Variants in CLNK observed in about 807,000 individuals in gnomAD.
CLNK encodes cytokine-dependent hematopoietic cell linker.
A neutral mutation model predicts 68.6 loss-of-function variants in CLNK; 74 were observed. That is an observed-to-expected ratio of 1.08 (90% CI 0.89 to 1.31). The LOEUF is 1.31. CLNK is among the 50% of genes most tolerant of loss of function. The pLI is 0.00. For missense variants in CLNK, 553 were observed against 515.3 expected (o/e 1.07, Z -0.71); for synonymous variants, 198 against 172.2 (o/e 1.15, Z -1.17).
At chr4:10,629,731 G>A (rs1209872406) in intron 2 of CLNK, among the ~76,000 whole-genome samples, 1 of 151,932 alleles carries the variant, frequency 6.6e-6, no homozygotes, top group East Asian at 1.9e-4. Context: ...TATAGAGTTT[G>A]GGGGGAAGGC....
the CLNK span, among the ~76,000 whole-genome samples, chr4:10,711,037 C>T: frequency 6.6e-6 from 1 of 152,210 alleles, no homozygotes; most frequent in African/African-American, 2.4e-5. Context: ...TCTGTCTTGA[C>T]TTCAGATTGG....
the CLNK span, among the ~76,000 whole-genome samples, chr4:10,699,512 A>ATATATATATTTTTTTT: frequency 5.8e-4 from 19 of 32,702 alleles, no homozygotes; most frequent in Non-Finnish European, 9.6e-4. Context: ...ATATATATAT[A>ATATATATATTTTTTTT]TTTTTTTTTT....
intron 4 of CLNK, among the ~76,000 whole-genome samples, chr4:10,583,924 G>T (rs944170979): frequency 1.3e-5 from 2 of 152,166 alleles, no homozygotes; most frequent in South Asian, 4.1e-4. Flanking sequence ...TCATTCCCAG[G>T]TACCACCCCC....
chr4:10,602,124 G>A (rs541707175), intron 2 of CLNK, among the ~76,000 whole-genome samples: 11 of 152,162 alleles, frequency 7.2e-5, no homozygotes, highest in South Asian at 6.2e-4. Context: ...TTCACTTTCC[G>A]CATCTCCCTC....
intron 3 of CLNK, among the ~76,000 whole-genome samples, chr4:10,596,298 T>TAC (rs1721383651): frequency 6.6e-6 from 1 of 152,328 alleles, no homozygotes; most frequent in African/African-American, 2.4e-5. Flanking sequence ...GTGCTGGGAT[T>TAC]ACAGGCATAA....
At chr4:10,540,750 A>T in intron 10 of CLNK, 146 bp from the exon 11 acceptor site, 1 of 622,442 alleles carries the variant, frequency 1.6e-6, no homozygotes, top group Non-Finnish European at 2.9e-6. Flanking sequence ...GAGCAGACCG[A>T]TCTGGTCTGG....
chr4:10,699,494 C>CTATATATATATATATA, the CLNK span, among the ~76,000 whole-genome samples: 23 of 56,988 alleles, frequency 4.0e-4, no homozygotes, highest in African/African-American at 1.5e-3. Flanking sequence ...CTCTCTCTCT[C>CTATATATATATATATA]TATATATATA....
At chr4:10,548,725 C>T (rs1045974057) in intron 8 of CLNK, among the ~76,000 whole-genome samples, 14 of 152,194 alleles carry the variant, frequency 9.2e-5, no homozygotes, top group Admixed American at 3.3e-4. Flanking sequence ...AGGAACAGGT[C>T]CTGCCCTGTT....
chr4:10,589,037 G>A (rs1294266091), intron 3 of CLNK, among the ~76,000 whole-genome samples: 1 of 152,092 alleles, frequency 6.6e-6, no homozygotes, highest in Non-Finnish European at 1.5e-5. Context: ...ACACCTAACG[G>A]TACTATATCA....
chr4:10,672,999 A>G (rs61796846), intron 1 of CLNK, among the ~76,000 whole-genome samples: 6,195 of 152,266 alleles, frequency 0.041, 188 homozygotes, highest in Middle Eastern at 0.1. Context: ...TTCTGAGTCA[A>G]TTTTTAGCGG....
At chr4:10,687,931 C>T (rs1336922629), upstream of CLNK, among the ~76,000 whole-genome samples, 1 of 152,060 alleles carries the variant, frequency 6.6e-6, no homozygotes, top group Non-Finnish European at 1.5e-5. Context: ...AGTATAAATC[C>T]AGAGAAGTTT....
Position 10,566,205 on chromosome 4 carries a change from A to G in CLNK, c.151-55T>C, listed in dbSNP as rs2108823936. On this transcript the variant is annotated intron_variant, in intron 5 of 18. Transcript: ENST00000226951. ...AAAGGAAGGTACAATGTTGACAAAG[A>G]CAGGCTACAGTGCTGGCTAGAGAAA... The G allele has an allele frequency of 1.3e-6, 2 of 1,582,184 alleles. 1 individual carries two copies. The highest frequency in any genetic ancestry group is 4.5e-5 in the East Asian group (2 of 44,636).
intron 2 of CLNK, among the ~76,000 whole-genome samples, chr4:10,653,590 T>C (rs1404139410): frequency 6.6e-6 from 1 of 152,148 alleles, no homozygotes; most frequent in Non-Finnish European, 1.5e-5. Flanking sequence ...ATATTTATAG[T>C]AGAACAGGAT....
chr4:10,655,334 CAGAGAGAGAGAGAGAGAGAGAGAG>C (rs148877353), intron 2 of CLNK, among the ~76,000 whole-genome samples: 1 of 135,326 alleles, frequency 7.4e-6, no homozygotes, highest in South Asian at 2.5e-4. Flanking sequence ...CCCCCAAAGA[CAGAGAGAGAGAGAGAGAGAGAGAG>C]AGAGAGAGAG....
At chr4:10,565,322 A>T (rs995655881) in intron 6 of CLNK, among the ~76,000 whole-genome samples, 2 of 152,222 alleles carry the variant, frequency 1.3e-5, no homozygotes, top group African/African-American at 4.8e-5. Flanking sequence ...CATTTACAAG[A>T]TGACTTTCTC....
In CLNK at chr4:10,657,824, C is replaced by T. The variant is rs948619380; in HGVS notation, c.11+10035G>A. Among the ~76,000 whole-genome samples the T allele has an allele frequency of 7.2e-5, 11 of 152,156 alleles. 1 individual carries two copies. The highest frequency in any genetic ancestry group is 3.9e-4 in the Admixed American group (6 of 15,278). On this transcript the variant is annotated intron_variant, in intron 2 of 18. Coordinates refer to ENST00000226951, the MANE Select transcript of CLNK (RefSeq NM_052964.4). ...TTGCACTGCAGCTTCTTCTTCTCCC[C>T]GCCAATCGAGAGATATGAAAAATCA...
the CLNK span, among the ~76,000 whole-genome samples, chr4:10,728,227 A>G: frequency 1.3e-5 from 2 of 152,198 alleles, no homozygotes; most frequent in African/African-American, 4.8e-5. Flanking sequence ...CTGAGAAACC[A>G]TGATGCAACT....
At chr4:10,568,893 A>T (rs1720229858) in intron 5 of CLNK, among the ~76,000 whole-genome samples, 1 of 152,160 alleles carries the variant, frequency 6.6e-6, no homozygotes, top group Non-Finnish European at 1.5e-5. Context: ...ATCTGTGGGG[A>T]TGTGACATCA....
intron 4 of CLNK, among the ~76,000 whole-genome samples, chr4:10,572,737 T>C (rs1189956961): frequency 6.6e-6 from 1 of 152,242 alleles, no homozygotes; most frequent in Non-Finnish European, 1.5e-5. Flanking sequence ...TTTCTGAATT[T>C]CATCTAAGTA....
Sources: allele counts gnomAD v4.1 joint callset (sites outside exome capture counted in the v4.1 genomes callset), GRCh38; gene constraint gnomAD v4.1.1; transcripts MANE v1.5; gene names NCBI Gene and HGNC (gene_info 2026-07-23, HGNC 2026-07-21).